CYRIB: variants seen among roughly 807,000 people sequenced by gnomAD.
CYRIB encodes the protein CYFIP-related Rac1 interactor B.
CYRIB carries 8 observed loss-of-function variants against 44.2 expected under a neutral mutation model. That is an observed-to-expected ratio of 0.18 (90% CI 0.11 to 0.33). The LOEUF is 0.33. Among genes scored for constraint, CYRIB ranks in the 10% least tolerant of loss-of-function variants. CYRIB has a pLI of 1.00. For synonymous variants in CYRIB, 131 were observed against 127.2 expected (o/e 1.03, Z -0.20); for missense variants, 185 against 382.8 (o/e 0.48, Z 4.31).
chr8:129,959,645 T>C (rs2095118309), intron 2 of CYRIB, among the ~76,000 whole-genome samples: 1 of 151,914 alleles, frequency 6.6e-6, no homozygotes, highest in Non-Finnish European at 1.5e-5. Context: ...AAAAGGTGAG[T>C]GTCTAATAAG....
At chr8:129,964,107 T>TA (rs1324788508) in intron 2 of CYRIB, among the ~76,000 whole-genome samples, 1 of 152,078 alleles carries the variant, frequency 6.6e-6, no homozygotes, top group Non-Finnish European at 1.5e-5. Flanking sequence ...ATAACAACAA[T>TA]AAAAAGCACC....
At chr8:129,899,171 T>C (rs1296283453) in intron 2 of CYRIB, among the ~76,000 whole-genome samples, 1 of 152,144 alleles carries the variant, frequency 6.6e-6, no homozygotes, top group African/African-American at 2.4e-5. Flanking sequence ...TGGCCTTTCA[T>C]TATATCATTT....
At chr8:129,962,558 T>C (rs779800000) in intron 2 of CYRIB, among the ~76,000 whole-genome samples, 16 of 152,164 alleles carry the variant, frequency 1.1e-4, no homozygotes, top group Non-Finnish European at 2.2e-4. Flanking sequence ...CCCTTCCCTA[T>C]GAATGCCCTT....
intron 2 of CYRIB, among the ~76,000 whole-genome samples, chr8:129,888,870 A>G (rs1323883675): frequency 6.6e-6 from 1 of 152,176 alleles, no homozygotes; most frequent in Non-Finnish European, 1.5e-5. Context: ...AGGTGGGCGG[A>G]TCACCTGAAG....
chr8:129,934,243 C>A (rs1335940365), intron 1 of CYRIB, among the ~76,000 whole-genome samples: 1 of 152,142 alleles, frequency 6.6e-6, no homozygotes, highest in Non-Finnish European at 1.5e-5. Flanking sequence ...CTCATGGAGG[C>A]CTCACGAGTC....
intron 2 of CYRIB, among the ~76,000 whole-genome samples, chr8:129,886,212 C>A (rs995320250): frequency 6.6e-6 from 1 of 152,208 alleles, no homozygotes; most frequent in African/African-American, 2.4e-5. Flanking sequence ...ATGCCCACTA[C>A]AATAAACCTG....
chr8:129,885,516 C>A (rs1201837602), intron 2 of CYRIB, among the ~76,000 whole-genome samples: 1 of 152,176 alleles, frequency 6.6e-6, no homozygotes, highest in Non-Finnish European at 1.5e-5. Context: ...TTAAACTCAG[C>A]AATACTAACA....
intron 2 of CYRIB, among the ~76,000 whole-genome samples, chr8:129,953,588 G>A (rs960589206): frequency 3.3e-5 from 5 of 152,166 alleles, no homozygotes; most frequent in Non-Finnish European, 5.9e-5. Flanking sequence ...GCTCCAGGAC[G>A]GTAGCGGCCA....
chr8:129,864,880 A>C (rs2052530466), intron 4 of CYRIB: 2 of 395,766 alleles, frequency 5.1e-6, no homozygotes, highest in Non-Finnish European at 9.8e-6. Flanking sequence ...AAAGCTATAG[A>C]AGAAGTCCTG....
chr8:129,939,676 C>T (rs1055032646), exon 1 of CYRIB: 1 of 152,320 alleles, frequency 6.6e-6, no homozygotes, highest in Non-Finnish European at 1.5e-5. Context: ...GAGGCGGCTC[C>T]TCAGCGGCGC....
intron 2 of CYRIB, among the ~76,000 whole-genome samples, chr8:129,966,617 C>T (rs2095489472): frequency 6.6e-6 from 1 of 152,200 alleles, no homozygotes; most frequent in Non-Finnish European, 1.5e-5. Flanking sequence ...AATCCTAGCA[C>T]TTTGGGAGGC....
chr8:129,933,276 T>C (rs2092034578), intron 1 of CYRIB, among the ~76,000 whole-genome samples: 1 of 152,180 alleles, frequency 6.6e-6, no homozygotes, highest in Non-Finnish European at 1.5e-5. Flanking sequence ...CAAACTCTTC[T>C]GCTTTAATGA....
chr8:129,903,844 G>T (rs2073722148), intron 1 of CYRIB, among the ~76,000 whole-genome samples: 1 of 152,106 alleles, frequency 6.6e-6, no homozygotes, highest in African/African-American at 2.4e-5. Flanking sequence ...CCTATTATTT[G>T]CCAGGGACAC....
chr8:129,924,802 CAAA>C (rs942313994), intron 1 of CYRIB, among the ~76,000 whole-genome samples: 3 of 151,602 alleles, frequency 2.0e-5, no homozygotes, highest in African/African-American at 7.3e-5. Context: ...CCCGTCTCTA[CAAA>C]AAAATTTAAA....
At chr8:129,893,454 T>C (rs2066352088) in intron 2 of CYRIB, among the ~76,000 whole-genome samples, 1 of 152,170 alleles carries the variant, frequency 6.6e-6, no homozygotes, top group Admixed American at 6.5e-5. Context: ...GTAAAGTAAA[T>C]AAAAGCTTCC....
At chr8:129,934,120 G>A (rs1236871132) in intron 1 of CYRIB, among the ~76,000 whole-genome samples, 1 of 152,094 alleles carries the variant, frequency 6.6e-6, no homozygotes, top group East Asian at 1.9e-4. Context: ...CCACCTACAG[G>A]TGCCCCTTGG....
chr8:129,963,406 G>T (rs371453115), intron 2 of CYRIB, among the ~76,000 whole-genome samples: 1 of 152,224 alleles, frequency 6.6e-6, no homozygotes, highest in East Asian at 1.9e-4. Context: ...GAAGCAAGGT[G>T]ATCCATACCA....
At chr8:129,978,917 C>G (rs1329580707) in intron 1 of CYRIB, among the ~76,000 whole-genome samples, 1 of 152,120 alleles carries the variant, frequency 6.6e-6, no homozygotes, top group East Asian at 1.9e-4. Context: ...GGGCAGATCA[C>G]TTGAGGCCAG....
At chr8:130,010,960 C>T (rs558320776) in intron 1 of CYRIB, among the ~76,000 whole-genome samples, 1 of 152,146 alleles carries the variant, frequency 6.6e-6, no homozygotes, top group East Asian at 1.9e-4. Context: ...CCACGTGATG[C>T]GCAGCACACT....
Sources: allele counts gnomAD v4.1 joint callset (sites outside exome capture counted in the v4.1 genomes callset), GRCh38; gene constraint gnomAD v4.1.1; transcripts MANE v1.5; gene names NCBI Gene and HGNC (gene_info 2026-07-23, HGNC 2026-07-21).